TICAM1: variants seen among roughly 807,000 people sequenced by gnomAD.
TICAM1 encodes the protein TIR domain-containing adapter molecule 1.
For synonymous variants in TICAM1, 439 were observed against 415.4 expected, an observed-to-expected ratio of 1.06 and a Z score of -0.69; for missense variants, 895 against 938.2, an observed-to-expected ratio of 0.95 and a Z score of 0.60.
intron 1 of TICAM1, among the ~76,000 whole-genome samples, chr19:4,829,565 C>T (rs2093610952): frequency 1.3e-5 from 2 of 152,078 alleles, no homozygotes; most frequent in African/African-American, 2.4e-5. Flanking sequence ...CACCTGCCGG[C>T]TTGTGTGGTC....
intron 1 of TICAM1, among the ~76,000 whole-genome samples, chr19:4,823,656 G>A (rs931119273): frequency 3.3e-5 from 5 of 151,838 alleles, no homozygotes; most frequent in Admixed American, 1.3e-4. Context: ...GAAAAGGCAG[G>A]GGGCATTCAG....
chr19:4,821,503 G>A (rs1437174747), intron 1 of TICAM1, among the ~76,000 whole-genome samples: 1 of 152,086 alleles, frequency 6.6e-6, no homozygotes, highest in Non-Finnish European at 1.5e-5. Context: ...TGCACTGGCT[G>A]TTCCCTCTGC....
In TICAM1 at chr19:4,816,297, T is replaced by A; in HGVS notation, c.2081A>T (p.His694Leu). ...CTGGGACCCTCTCTGGTTCCACATG[T>A]GGTTGTTCAGCCCCAGCTGTACCAT... ...AQMVQLGLNN[H>L]MWNQRGSQAP... Residue 694 changes from histidine to leucine, a missense_variant, in exon 2 of 2, where the codon CAC becomes CTC. Transcript: ENST00000248244. This position sits in a 1 kb window ranked among gnomAD's most constrained non-coding sequence, Gnocchi z 4.3. 1 of 1,523,338 alleles carries A rather than the reference T, an allele frequency of 6.6e-7. No homozygotes were observed. The highest frequency in any genetic ancestry group is 1.8e-4 in the Middle Eastern group (1 of 5,586). 94.4% of individuals were successfully genotyped at this position (1,523,338 alleles called of 1,614,324 possible). A position where few individuals can be genotyped will look rare whatever the true frequency, so the allele number is the denominator to read the frequency against.
Position 4,820,281 on chromosome 19 carries a change from A to G in TICAM1, c.-139-1765T>C, listed in dbSNP as rs1265471590. On this transcript the variant is annotated intron_variant, in intron 1 of 1. Transcript: ENST00000248244. ...TAAAAATACAAAAAATTAGCTGGGC[A>G]TGGTGGCAGGCGCCTGTAATCCCAG... is the stretch of plus-strand genomic sequence containing the variant. Among the ~76,000 whole-genome samples the G allele has an allele frequency of 7.3e-5, 11 of 150,948 alleles. No homozygotes were observed. The East Asian group carries it at 2.2e-3, about 30-fold the overall frequency.
chr19:4,823,078 G>A (rs1414614368), intron 1 of TICAM1, among the ~76,000 whole-genome samples: 1 of 152,252 alleles, frequency 6.6e-6, no homozygotes, highest in Admixed American at 6.6e-5. Context: ...CCAGCAATTT[G>A]GGAGGTGGAG....
chr19:4,825,611 T>C (rs1452351053), intron 1 of TICAM1, among the ~76,000 whole-genome samples: 1 of 151,246 alleles, frequency 6.6e-6, no homozygotes, highest in African/African-American at 2.4e-5. Flanking sequence ...GAGGATCTCT[T>C]GAGCCCAAGA....
Position 4,817,013 on chromosome 19 carries a change from A to G in TICAM1, c.1365T>C (p.Leu455=). The part of the protein sequence containing the change: ...AIDHSAFIIL[L]LTSNFDCRLS... ...GGCGACAGTCGAAGTTGGAGGTGAG[A>G]AGTAGGATGATGAAAGCTGAGTGGT... Residue 455 remains leucine (L), a synonymous_variant, in exon 2 of 2, where the codon CTT becomes CTC. Transcript: ENST00000248244. The surrounding 1 kb of genome is among the most constrained non-coding windows in gnomAD (Gnocchi z 4.7). 1 of 1,614,018 alleles carries G rather than the reference A, an allele frequency of 6.2e-7. No homozygotes were observed. Among genetic ancestry groups the G allele is most frequent in the Non-Finnish European group, 8.5e-7 (1 of 1,179,992 alleles).
Position 4,816,282 on chromosome 19 carries a change from C to G in TICAM1, c.2096G>C (p.Arg699Thr). Residue 699 changes from arginine to threonine, a missense_variant, in exon 2 of 2, where the codon AGA becomes ACA. Transcript: ENST00000248244. This position sits in a 1 kb window ranked among gnomAD's most constrained non-coding sequence, Gnocchi z 4.3. ...CTTGTCCTCGGGCGCCTGGGACCCT[C>G]TCTGGTTCCACATGTGGTTGTTCAG... Reference protein sequence around the residue: ...LGLNNHMWNQRGSQAPEDKTQ... With the variant: ...LGLNNHMWNQTGSQAPEDKTQ... The G allele has an allele frequency of 6.6e-7, 1 of 1,518,304 alleles. No homozygotes were observed. 94.1% of individuals were successfully genotyped at this position (1,518,304 alleles called of 1,614,324 possible).
Position 4,819,025 on chromosome 19 carries a change from C to T in TICAM1, c.-139-509G>A, listed in dbSNP as rs554043332. ...ACTTGGGAAACTGAGGCAGGAGAAT[C>T]GCTTGAACACAGGAGGTGGTGGCTG... is the stretch of plus-strand genomic sequence containing the variant. On this transcript the variant is annotated intron_variant, in intron 1 of 1. Transcript: ENST00000248244. Among the ~76,000 whole-genome samples the T allele has an allele frequency of 5.3e-5, 8 of 152,220 alleles. No individual in the cohort carries two copies. The East Asian group carries it at 1.4e-3, about 26-fold the overall frequency.
intron 1 of TICAM1, among the ~76,000 whole-genome samples, chr19:4,821,903 C>A (rs952270607): frequency 6.7e-6 from 1 of 150,162 alleles, no homozygotes; most frequent in Non-Finnish European, 1.5e-5. Context: ...CTCGGCCTCC[C>A]AAAGTGTTGG....
At position 4,818,174 on chromosome 19, in the gene TICAM1, C is replaced by T. The variant is rs376605000; in HGVS notation, c.204G>A (p.Ala68=). The T allele has an allele frequency of 2.4e-5, 39 of 1,610,122 alleles. No homozygotes were observed. Among genetic ancestry groups the T allele is most frequent in the Middle Eastern group, 1.6e-4 (1 of 6,080 alleles). Reference sequence around the variant, plus strand: ...ACTGGCGGGCCACCAGCCGGGCCACCGCATCGGCCTTCAATGCCTCTAGAG... The same window carrying T: ...ACTGGCGGGCCACCAGCCGGGCCACTGCATCGGCCTTCAATGCCTCTAGAG... ...RISLEALKAD[A]VARLVARQWA... The change falls in exon 2 of 2, where the codon GCG becomes GCA. Residue 68 remains alanine (A), a synonymous_variant. Coordinates refer to ENST00000248244, the MANE Select transcript of TICAM1 (RefSeq NM_182919.4). This position sits in a 1 kb window ranked among gnomAD's most constrained non-coding sequence, Gnocchi z 4.0.
intron 1 of TICAM1, among the ~76,000 whole-genome samples, chr19:4,826,289 A>G (rs1284235913): frequency 6.8e-6 from 1 of 147,592 alleles, no homozygotes; most frequent in Non-Finnish European, 1.5e-5. Context: ...GGATTAATAA[A>G]ATGTATTATT....
intron 1 of TICAM1, among the ~76,000 whole-genome samples, chr19:4,824,329 ATTTTTTTTTT>A (rs1213088504): frequency 9.3e-6 from 1 of 107,408 alleles, no homozygotes; most frequent in Non-Finnish European, 1.9e-5. Context: ...CTTTTATCCA[ATTTTTTTTTT>A]TTTTTTTTTT....
chr19:4,827,944 T>C (rs975199397), intron 1 of TICAM1, among the ~76,000 whole-genome samples: 1 of 151,912 alleles, frequency 6.6e-6, no homozygotes, highest in Non-Finnish European at 1.5e-5. Flanking sequence ...GTGTATAACT[T>C]ACCAAGCAAA....
At chr19:4,825,237 G>A (rs910719283) in intron 1 of TICAM1, among the ~76,000 whole-genome samples, 4 of 151,052 alleles carry the variant, frequency 2.6e-5, no homozygotes, top group South Asian at 2.1e-4. Flanking sequence ...CTGAAATGGC[G>A]CCACTGCACT....
Position 4,818,313 on chromosome 19 carries a change from T to C in TICAM1, c.65A>G (p.Lys22Arg), listed in dbSNP as rs2093591434. Residue 22 changes from lysine (K) to arginine (R), a missense_variant, in exon 2 of 2, where the codon AAG becomes AGG. Transcript: ENST00000248244. This position sits in a 1 kb window ranked among gnomAD's most constrained non-coding sequence, Gnocchi z 4.0. ...CAGTTTGTGCTTCAGATACAAGAGC[T>C]TGTCCTGGCCTGCTGCACCTAGAAT... is the stretch of plus-strand genomic sequence containing the variant. ...FDILGAAGQD[K>R]LLYLKHKLKT... The C allele has an allele frequency of 2.5e-6, 4 of 1,612,708 alleles. No homozygotes were observed. Among genetic ancestry groups the C allele is most frequent in the Non-Finnish European group, 3.4e-6 (4 of 1,179,934 alleles).
intron 1 of TICAM1, among the ~76,000 whole-genome samples, chr19:4,826,715 G>T (rs2093605952): frequency 6.6e-6 from 1 of 152,070 alleles, no homozygotes; most frequent in Non-Finnish European, 1.5e-5. Context: ...TTTGACACAA[G>T]GAAACAGAGG....
chr19:4,821,312 T>C (rs112250970), intron 1 of TICAM1, among the ~76,000 whole-genome samples: 91 of 152,274 alleles, frequency 6.0e-4, no homozygotes, highest in Middle Eastern at 6.8e-3. Flanking sequence ...ACTGACTGTC[T>C]AATGGTATGT....
rs1199465404 is a variant in TICAM1 at position 4,817,679 on chromosome 19, G to A, written c.699C>T (p.Asp233=). 6.3e-7 allele frequency: 1 copy of A among 1,585,926 alleles called. No individual in the cohort carries two copies. The highest frequency in any genetic ancestry group is 1.1e-5 in the South Asian group (1 of 87,040). ...SPHGPSKLCD[D]PQASLVPEPV... ...GCTCGGGCACCAAGCTGGCCTGGGG[G>A]TCGTCACAGAGCTTGCTGGGCCCAT... is the stretch of plus-strand genomic sequence containing the variant. The change falls in exon 2 of 2, where the codon GAC becomes GAT. Residue 233 remains aspartate (D), a synonymous_variant. Coordinates refer to ENST00000248244, the MANE Select transcript of TICAM1 (RefSeq NM_182919.4). The surrounding 1 kb of genome is among the most constrained non-coding windows in gnomAD (Gnocchi z 4.7).
Sources: allele counts gnomAD v4.1 joint callset (sites outside exome capture counted in the v4.1 genomes callset), GRCh38; gene constraint gnomAD v4.1.1; non-coding constraint Gnocchi (gnomAD v3.1); transcripts MANE v1.5; gene names NCBI Gene and HGNC (gene_info 2026-07-23, HGNC 2026-07-21).